The following KIF22 variants were observed in gnomAD, a reference collection of about 807,000 sequenced individuals.
KIF22 encodes the protein kinesin-like protein KIF22.
Under a neutral mutation model 73.0 loss-of-function variants are expected in KIF22, and 62 were observed. The observed-to-expected ratio is 0.85, with a 90% CI of 0.69 to 1.05. The LOEUF (loss-of-function observed/expected upper bound fraction) is 1.05. Ranked by LOEUF, KIF22 falls within the 50% of genes least tolerant of loss-of-function variation. The pLI is 0.00. For synonymous variants in KIF22, 411 were observed against 340.1 expected (o/e 1.21, Z -2.29); for missense variants, 854 against 870.1 (o/e 0.98, Z 0.23).
At chr16:29,800,635 G>A (rs1339055546) in intron 8 of KIF22, among the ~76,000 whole-genome samples, 2 of 151,148 alleles carry the variant, frequency 1.3e-5, no homozygotes, top group African/African-American at 4.9e-5. Flanking sequence ...CATGGTAGTG[G>A]GCACCTGTAA....
At position 29,796,901 on chromosome 16, in the gene KIF22, C is replaced by T. The variant is rs769692085; in HGVS notation, c.79C>T (p.Arg27Cys). 1.3e-5 allele frequency: 21 copies of T among 1,613,914 alleles called. No individual in the cohort carries two copies. The highest frequency in any genetic ancestry group is 3.3e-5 in the Admixed American group (2 of 59,992). The change falls in exon 2 of 14, where the codon CGC becomes TGC. Residue 27 changes from arginine to cysteine, a missense_variant. By Grantham distance (180) the Arg-to-Cys change is radical (BLOSUM62 -3). Transcript: ENST00000160827. ...GATCTTCTCTCCTCCAGGAGCTGGT[C>T]GCTGTCGGCTAAGCAAGATTGGAGC... ...ASAAAISGAG[R>C]CRLSKIGATR...
chr16:29,791,119 C>T (rs541930703), intron 1 of KIF22: 2 of 1,350,198 alleles, frequency 1.5e-6, no homozygotes, highest in Admixed American at 3.5e-5. Context: ...GTTTCTTCGT[C>T]TGTGAAACGG....
chr16:29,795,655 A>G (rs1898931033), intron 1 of KIF22, among the ~76,000 whole-genome samples: 1 of 152,200 alleles, frequency 6.6e-6, no homozygotes, highest in Admixed American at 6.5e-5. Flanking sequence ...AAATAGAGTA[A>G]TACTCTCCTT....
In KIF22 at chr16:29,802,820, C is replaced by G. The variant is rs2142378227; in HGVS notation, c.1332C>G (p.Leu444=). 1 of 1,609,592 alleles carries G rather than the reference C, an allele frequency of 6.2e-7. No individual in the cohort carries two copies. The highest frequency in any genetic ancestry group is 8.5e-7 in the Non-Finnish European group (1 of 1,178,460). The change falls in exon 9 of 14, where the codon CTC becomes CTG. Residue 444 remains leucine, a synonymous_variant. Transcript: ENST00000160827. The part of the protein sequence containing the change: ...SMDPAMLERL[L]SLDRLLASQG... Reference sequence around the variant, plus strand: ...ACCCGGCCATGCTGGAGCGCCTCCTCAGCTTGGACCGTCTGCTTGCCTCCC... The same window carrying G: ...ACCCGGCCATGCTGGAGCGCCTCCTGAGCTTGGACCGTCTGCTTGCCTCCC...
chr16:29,803,826 G>C (rs1434794453), intron 10 of KIF22, among the ~76,000 whole-genome samples, 172 bp from the exon 11 acceptor site: 1 of 152,174 alleles, frequency 6.6e-6, no homozygotes, highest in Non-Finnish European at 1.5e-5. Flanking sequence ...GATAATGCAA[G>C]ACTGACTGAA....
At position 29,798,075 on chromosome 16, in the gene KIF22, G is replaced by A. The variant is rs1469754602; in HGVS notation, c.267-299G>A. Among the ~76,000 whole-genome samples the A allele has an allele frequency of 2.0e-5, 3 of 152,032 alleles. No homozygotes were observed. Among genetic ancestry groups the A allele is most frequent in the Admixed American group, 6.6e-5 (1 of 15,252 alleles). On this transcript the variant is annotated intron_variant, in intron 2 of 13. Coordinates refer to ENST00000160827, the MANE Select transcript of KIF22 (RefSeq NM_007317.3). This position sits in a 1 kb window ranked among gnomAD's most constrained non-coding sequence, Gnocchi z 4.1. ...CCTTTGAGAGTGTGTTCTTATCTTC[G>A]TTTCCTAAATCACAGCAAAGTGTGG... is the stretch of plus-strand genomic sequence containing the variant.
rs756641324 is a variant in KIF22, at chr16:29,799,155, T to A, written c.730T>A (p.Ser244Thr). Residue 244 changes from serine to threonine, a missense_variant, in exon 5 of 14, where the codon TCC becomes ACC. By Grantham distance (58) the Ser-to-Thr change is moderately conservative. Coordinates refer to ENST00000160827, the MANE Select transcript of KIF22 (RefSeq NM_007317.3). ...AGCCACCCGGCTCAACCAGCGCTCCTCCCGCAGTCATGCTGTGCTCCTGGT... is the reference window on the plus strand; with the variant it reads ...AGCCACCCGGCTCAACCAGCGCTCCACCCGCAGTCATGCTGTGCTCCTGGT... ...VGATRLNQRS[S>T]RSHAVLLVKV... The A allele has an allele frequency of 7.4e-6, 12 of 1,613,820 alleles. No individual in the cohort carries two copies. The highest frequency in any genetic ancestry group is 8.5e-6 in the Non-Finnish European group (10 of 1,179,978).
chr16:29,804,564 T>TG, intron 11 of KIF22: 1 of 683,230 alleles, frequency 1.5e-6, no homozygotes, highest in Non-Finnish European at 2.7e-6. Context: ...TTAACTCACT[T>TG]GATCTCCACA....
intron 1 of KIF22, among the ~76,000 whole-genome samples, chr16:29,791,984 C>T (rs1898831408): frequency 6.6e-6 from 1 of 152,118 alleles, no homozygotes; most frequent in African/African-American, 2.4e-5. Context: ...AGATGTAATA[C>T]GAAACACAAT....
chr16:29,804,041 G>C lies in KIF22; in HGVS notation c.1653G>C (p.Leu551=). 1 of 1,613,998 alleles carries C rather than the reference G, an allele frequency of 6.2e-7. No homozygotes were observed. The highest frequency in any genetic ancestry group is 8.5e-7 in the Non-Finnish European group (1 of 1,179,898). The change falls in exon 11 of 14, where the codon CTG becomes CTC. Residue 551 remains leucine, a synonymous_variant. Coordinates refer to ENST00000160827, the MANE Select transcript of KIF22 (RefSeq NM_007317.3). ...CCCCAAATGCCGAGATCCACATCCTGAAGAATAAAGGCCGGAAGAGAAAGG... is the reference window on the plus strand; with the variant it reads ...CCCCAAATGCCGAGATCCACATCCTCAAGAATAAAGGCCGGAAGAGAAAGG... ...AASPNAEIHI[L]KNKGRKRKLE... is the part of the protein sequence containing the mutation.
At chr16:29,795,607 A>G (rs1375621319) in intron 1 of KIF22, among the ~76,000 whole-genome samples, 1 of 152,212 alleles carries the variant, frequency 6.6e-6, no homozygotes, top group Non-Finnish European at 1.5e-5. Flanking sequence ...CTAGGTTTGA[A>G]TTCCACTATG....
chr16:29,802,606 CTGA>C (rs1899180396), intron 8 of KIF22, among the ~76,000 whole-genome samples, 160 bp from the exon 9 acceptor site: 1 of 152,180 alleles, frequency 6.6e-6, no homozygotes, highest in South Asian at 2.1e-4. Flanking sequence ...GTCACTTCAC[CTGA>C]TGAAGACACT....
Position 29,799,465 on chromosome 16 carries a change from C to T in KIF22, c.961C>T (p.Arg321Trp), listed in dbSNP as rs774113015. 5.6e-6 allele frequency: 9 copies of T among 1,614,028 alleles called. No homozygotes were observed. Among genetic ancestry groups the T allele is most frequent in the South Asian group, 1.1e-5 (1 of 91,088 alleles). Reference sequence around the variant, plus strand: ...TCAGGGCCTCCCTCGTGTACCTTATCGGGACAGCAAGCTCACTCGCCTATT... The same window carrying T: ...TCAGGGCCTCCCTCGTGTACCTTATTGGGACAGCAAGCTCACTCGCCTATT... ...LNQGLPRVPY[R>W]DSKLTRLLQD... The change falls in exon 6 of 14, where the codon CGG becomes TGG. Residue 321 changes from arginine (R) to tryptophan (W), a missense_variant. Arg to Trp is a moderately radical substitution (Grantham distance 101, BLOSUM62 -3). Coordinates refer to ENST00000160827, the MANE Select transcript of KIF22 (RefSeq NM_007317.3).
At chr16:29,802,719 G>T (rs1266984307) in intron 8 of KIF22, 50 bp from the exon 9 acceptor site, 2 of 1,497,194 alleles carry the variant, frequency 1.3e-6, no homozygotes, top group African/African-American at 2.8e-5. Flanking sequence ...GCTGCTGTAG[G>T]TGGTGATGAG....
intron 1 of KIF22, among the ~76,000 whole-genome samples, chr16:29,793,199 T>G (rs527253175): frequency 7.2e-5 from 11 of 152,308 alleles, no homozygotes; most frequent in African/African-American, 2.6e-4. Context: ...TCCCAGCATT[T>G]TGGGAGACCA....
rs760208125 is a variant in KIF22, at chr16:29,799,018, G to A, written c.593G>A (p.Arg198Gln). 3.7e-6 allele frequency: 6 copies of A among 1,614,080 alleles called. No individual in the cohort carries two copies. Among genetic ancestry groups the A allele is most frequent in the South Asian group, 2.2e-5 (2 of 91,092 alleles). ...CCTGCTTCGGGAGACCTGGTAATCC[G>A]AGAAGACTGCCGGGGGAATATCCTG... The part of the protein sequence containing the change: ...LDPASGDLVI[R>Q]EDCRGNILIP... The change falls in exon 5 of 14, where the codon CGA becomes CAA. Residue 198 changes from arginine (R) to glutamine (Q), a missense_variant. By Grantham distance (43) the Arg-to-Gln change is conservative (BLOSUM62 1). This residue lies in a region of KIF22 where 245 missense variants were observed against 351.8 expected (regional missense o/e 0.70). Transcript: ENST00000160827.
In KIF22 at chr16:29,800,022, T is replaced by G; in HGVS notation, c.1254T>G (p.Ala418=). Residue 418 remains alanine, a synonymous_variant, in exon 8 of 14, where the codon GCT becomes GCG. Transcript: ENST00000160827. ...EEIGSPEPMA[A]PASASQKLSP... ...TCGGGAGCCCTGAGCCCATGGCAGC[T>G]CCAGCCTCTGCCTCCCAGAAACTCA... 1 of 1,613,044 alleles carries G rather than the reference T, an allele frequency of 6.2e-7. No individual in the cohort carries two copies. The highest frequency in any genetic ancestry group is 1.3e-5 in the African/African-American group (1 of 75,042).
At position 29,795,432 on chromosome 16, in the gene KIF22, G is replaced by A. The variant is rs9935728; in HGVS notation, c.71-1461G>A. Reference sequence around the variant, plus strand: ...GTCTTGCTGTTTCTGTGTTGGCTACGTATACCAGCCAGCCTTTTGCCTTCT... The same window carrying A: ...GTCTTGCTGTTTCTGTGTTGGCTACATATACCAGCCAGCCTTTTGCCTTCT... On this transcript the variant is annotated intron_variant, in intron 1 of 13. Coordinates refer to ENST00000160827, the MANE Select transcript of KIF22 (RefSeq NM_007317.3). Among the ~76,000 whole-genome samples, 310 of 152,242 alleles carry A rather than the reference G, an allele frequency of 2.0e-3. 3 individuals are homozygous for A. Among genetic ancestry groups the A allele is most frequent in the African/African-American group, 7.1e-3 (297 of 41,542 alleles).
In KIF22 at chr16:29,804,998, G is replaced by A. The variant is rs201146585; in HGVS notation, c.1862G>A (p.Trp621Ter). The change falls in exon 12 of 14, where the codon TGG (tryptophan) becomes TAG (stop). Residue 621 changes from tryptophan (W) to a stop codon, truncating the protein, a stop_gained. Coordinates refer to ENST00000160827, the MANE Select transcript of KIF22 (RefSeq NM_007317.3). LOFTEE classifies it high-confidence loss of function. Reference protein sequence around the residue: ...GPKKAQLIVGWRELHGPFSQV... With the variant: ...GPKKAQLIVG ...AAGAAGGCCCAGCTAATCGTGGGCTGGCGGGAGCTCCACGGCCCCTTCAGC... is the reference window on the plus strand; with the variant it reads ...AAGAAGGCCCAGCTAATCGTGGGCTAGCGGGAGCTCCACGGCCCCTTCAGC... 1.9e-6 allele frequency: 3 copies of A among 1,610,662 alleles called. No individual in the cohort carries two copies. Among genetic ancestry groups the A allele is most frequent in the East Asian group, 2.2e-5 (1 of 44,866 alleles).
Sources: allele counts gnomAD v4.1 joint callset (sites outside exome capture counted in the v4.1 genomes callset), GRCh38; gene constraint gnomAD v4.1.1; regional missense constraint gnomAD v4.1.1; non-coding constraint Gnocchi (gnomAD v3.1); transcripts MANE v1.5; gene names NCBI Gene and HGNC (gene_info 2026-07-23, HGNC 2026-07-21).